MROH1: variants seen among roughly 807,000 people sequenced by gnomAD.
MROH1 encodes the protein maestro heat-like repeat-containing protein family member 1.
MROH1 carries 117 observed loss-of-function variants against 116.5 expected under a neutral mutation model. That is an observed-to-expected ratio of 1.00 (90% CI 0.86 to 1.17). The LOEUF (loss-of-function observed/expected upper bound fraction) is 1.17. Ranked by LOEUF, MROH1 falls within the 50% of genes most tolerant of loss-of-function variation. The pLI is 0.00. For synonymous variants in MROH1, 921 were observed against 583.9 expected, an observed-to-expected ratio of 1.58 and a Z score of -8.32; for missense variants, 1,873 against 1,338.5, an observed-to-expected ratio of 1.40 and a Z score of -6.23.
At chr8:144,241,795 C>A (rs1841032920) in intron 22 of MROH1, among the ~76,000 whole-genome samples, 1 of 152,172 alleles carries the variant, frequency 6.6e-6, no homozygotes, top group African/African-American at 2.4e-5. Context: ...AGGCCTCTGC[C>A]CCCTGGTGGC....
intron 10 of MROH1, among the ~76,000 whole-genome samples, chr8:144,198,272 A>G (rs1006381203): frequency 2.0e-4 from 30 of 152,124 alleles, no homozygotes; most frequent in Admixed American, 8.5e-4. Context: ...TTGTGCAGAG[A>G]GACCCTGTCA....
chr8:144,175,036 T>C, intron 4 of MROH1: 1 of 985,438 alleles, frequency 1.0e-6, no homozygotes, highest in Non-Finnish European at 1.2e-6. Flanking sequence ...CTTCCTCATA[T>C]ACATGAAGAG....
intron 12 of MROH1, among the ~76,000 whole-genome samples, chr8:144,211,863 A>C (rs918897607): frequency 2.6e-5 from 4 of 152,194 alleles, no homozygotes; most frequent in African/African-American, 9.7e-5. Context: ...TGATGGCTTC[A>C]ATCCAGAGCA....
chr8:144,239,994 G>A lies in MROH1; in HGVS notation c.1775-107G>A, dbSNP rs1319016860. 7 of 716,168 alleles carry A rather than the reference G, an allele frequency of 9.8e-6. No individual in the cohort carries two copies. The Admixed American group carries it at 1.0e-4, about 10-fold the overall frequency. The allele number at this position is 716,168 out of a possible 1,614,324, so 44.4% of individuals were successfully genotyped here. On this transcript the variant is annotated intron_variant, in intron 18 of 43. Coordinates refer to ENST00000326134, the MANE Select transcript of MROH1 (RefSeq NM_032450.3). The stretch of plus-strand genomic sequence containing the variant: ...GGGAGCAGGTGGGGGGCAGCGGGGC[G>A]GCGGGGCCTGTCTGTGCTGAGCATC...
intron 22 of MROH1, 69 bp from the exon 23 acceptor site, chr8:144,242,300 G>A (rs1841147432): frequency 1.3e-5 from 10 of 779,232 alleles, no homozygotes. Flanking sequence ...AGGAGTTTCT[G>A]AGCCGAGGAT....
At chr8:144,256,938 G>C (rs904612074) in intron 35 of MROH1, among the ~76,000 whole-genome samples, 4 of 152,228 alleles carry the variant, frequency 2.6e-5, no homozygotes, top group African/African-American at 4.8e-5. Context: ...GCAGGGTGTG[G>C]AGCTGGAGGC....
At chr8:144,257,428 G>A (rs1005033265) in intron 35 of MROH1, among the ~76,000 whole-genome samples, 13 of 152,176 alleles carry the variant, frequency 8.5e-5, no homozygotes, top group African/African-American at 2.6e-4. Flanking sequence ...CTGGGCTGCC[G>A]AGACCCCCGT....
chr8:144,162,954 C>T (rs773283857), intron 2 of MROH1, among the ~76,000 whole-genome samples: 3 of 152,036 alleles, frequency 2.0e-5, no homozygotes, highest in Non-Finnish European at 4.4e-5. Flanking sequence ...AACTCCTGAC[C>T]TCAAACAATC....
chr8:144,166,768 G>C (rs1310726633), intron 3 of MROH1, among the ~76,000 whole-genome samples: 3 of 152,136 alleles, frequency 2.0e-5, no homozygotes, highest in African/African-American at 7.2e-5. Flanking sequence ...AGGGAGGGGG[G>C]ACTAGCCTCA....
intron 4 of MROH1, among the ~76,000 whole-genome samples, chr8:144,169,551 A>G (rs1333555609): frequency 2.0e-5 from 3 of 151,080 alleles, no homozygotes; most frequent in African/African-American, 7.3e-5. Context: ...TCCCGGGTTC[A>G]AGCGATTCTC....
At chr8:144,164,466 G>A (rs1279811861) in intron 3 of MROH1, among the ~76,000 whole-genome samples, 1 of 151,552 alleles carries the variant, frequency 6.6e-6, no homozygotes, top group African/African-American at 2.4e-5. Context: ...GTGCAGTGGT[G>A]CAATCATGGC....
Position 144,168,043 on chromosome 8 carries a change from G to A in MROH1, c.23-252G>A, listed in dbSNP as rs373735536. 4.1e-4 allele frequency among the ~76,000 whole-genome samples: 63 copies of A among 152,284 alleles called. No individual in the cohort carries two copies. In the South Asian group the frequency reaches 0.013, roughly 31 times the overall value. On this transcript the variant is annotated intron_variant, in intron 3 of 43. Transcript: ENST00000326134. ...CTGATGGGCTAAATAGTGTGTCCTG[G>A]CCAGGCAGCTCCTCAGGGGCAGCTG...
intron 12 of MROH1, among the ~76,000 whole-genome samples, chr8:144,210,330 T>C (rs1833828496): frequency 6.6e-6 from 1 of 151,704 alleles, no homozygotes; most frequent in South Asian, 2.1e-4. Context: ...CCCAGCTACT[T>C]GGGAGGCTGA....
rs769970119 is a variant in MROH1 at position 144,179,477 on chromosome 8, C to T, written c.191C>T (p.Ala64Val). The T allele has an allele frequency of 2.5e-6, 4 of 1,613,396 alleles. No individual in the cohort carries two copies. Among genetic ancestry groups the T allele is most frequent in the Admixed American group, 1.7e-5 (1 of 59,988 alleles). Reference sequence around the variant, plus strand: ...CAGCTGGCACACCCATACCGAGCAGCGGTCCTGAGGGCCATGGAGAGGGTC... The same window carrying T: ...CAGCTGGCACACCCATACCGAGCAGTGGTCCTGAGGGCCATGGAGAGGGTC... ...HDKLAHPYRA[A>V]VLRAMERVLS... is the part of the protein sequence containing the mutation. The change falls in exon 5 of 44, where the codon GCG becomes GTG. Residue 64 changes from alanine (A) to valine (V), a missense_variant. Transcript: ENST00000326134.
Position 144,163,809 on chromosome 8 carries a change from G to A in MROH1, c.-18G>A, listed in dbSNP as rs758609638. 2.5e-6 allele frequency: 4 copies of A among 1,613,574 alleles called. No homozygotes were observed. Among genetic ancestry groups the A allele is most frequent in the Non-Finnish European group, 3.4e-6 (4 of 1,179,610 alleles). On this transcript the variant is annotated 5_prime_UTR_variant, in exon 3 of 44. Coordinates refer to ENST00000326134, the MANE Select transcript of MROH1 (RefSeq NM_032450.3). This position sits in a 1 kb window ranked among gnomAD's most constrained non-coding sequence, Gnocchi z 4.4. Reference sequence around the variant, plus strand: ...TTGTCCATGTTCACACTGGGTGAAGGAAGCTGAAACCACAGACATGACTGA... The same window carrying A: ...TTGTCCATGTTCACACTGGGTGAAGAAAGCTGAAACCACAGACATGACTGA...
chr8:144,224,894 A>C (rs530467788), intron 14 of MROH1, among the ~76,000 whole-genome samples: 160 of 152,296 alleles, frequency 1.1e-3, no homozygotes, highest in African/African-American at 3.5e-3. Flanking sequence ...GGAGAAGACA[A>C]ATCAGGGAGC....
intron 4 of MROH1, among the ~76,000 whole-genome samples, chr8:144,168,647 A>G (rs376323574): frequency 1.1e-4 from 17 of 152,246 alleles, no homozygotes; most frequent in African/African-American, 4.1e-4. Context: ...ACATCCCCCC[A>G]CCACGGCACT....
At chr8:144,223,510 G>T (rs1837235312) in intron 14 of MROH1, among the ~76,000 whole-genome samples, 1 of 152,164 alleles carries the variant, frequency 6.6e-6, no homozygotes, top group African/African-American at 2.4e-5. Context: ...CAAGACTACA[G>T]GCACATGCGT....
chr8:144,155,053 T>A (rs1198254101), intron 1 of MROH1, among the ~76,000 whole-genome samples: 1 of 152,050 alleles, frequency 6.6e-6, no homozygotes, highest in African/African-American at 2.4e-5. Flanking sequence ...CCTGACCTCG[T>A]GATCCACCCA....
Sources: allele counts gnomAD v4.1 joint callset (sites outside exome capture counted in the v4.1 genomes callset), GRCh38; gene constraint gnomAD v4.1.1; non-coding constraint Gnocchi (gnomAD v3.1); transcripts MANE v1.5; gene names NCBI Gene and HGNC (gene_info 2026-07-23, HGNC 2026-07-21).